The following ZNF560 variants were observed in gnomAD, a reference collection of about 807,000 sequenced individuals.
The protein encoded by ZNF560 is zinc finger protein 560.
ZNF560 carries 54 observed loss-of-function variants against 81.8 expected under a neutral mutation model. The observed-to-expected ratio is 0.66, with a 90% CI of 0.53 to 0.83. The LOEUF is 0.83. ZNF560 is among the 40% of genes least tolerant of loss of function. ZNF560 has a pLI of 0.00. For missense variants in ZNF560, 940 were observed against 932.4 expected, an observed-to-expected ratio of 1.01 and a Z score of -0.11; for synonymous variants, 321 against 317.9, an observed-to-expected ratio of 1.01 and a Z score of -0.10.
At chr19:9,486,160 T>C (rs1305115377) in intron 2 of ZNF560, among the ~76,000 whole-genome samples, 2 of 152,168 alleles carry the variant, frequency 1.3e-5, no homozygotes, top group Non-Finnish European at 1.5e-5. Flanking sequence ...CATGAACACA[T>C]GACTCCAGAT....
chr19:9,448,835 G>T, the ZNF560 span, among the ~76,000 whole-genome samples: 1 of 152,112 alleles, frequency 6.6e-6, no homozygotes, highest in African/African-American at 2.4e-5. Context: ...AAAAGTGGGA[G>T]AAAGAGCTAT....
chr19:9,450,334 C>T, the ZNF560 span, among the ~76,000 whole-genome samples: 1 of 151,744 alleles, frequency 6.6e-6, no homozygotes, highest in African/African-American at 2.4e-5. Context: ...ACTCTAACCA[C>T]TGCTATTCAA....
the ZNF560 span, among the ~76,000 whole-genome samples, chr19:9,452,300 T>C: frequency 2.0e-5 from 3 of 152,200 alleles, no homozygotes; most frequent in Non-Finnish European, 4.4e-5. Context: ...GGAACATTTG[T>C]ATACACTGTT....
chr19:9,483,476 T>C (rs181123460), intron 2 of ZNF560, among the ~76,000 whole-genome samples: 14,248 of 127,112 alleles, frequency 0.11, 1,995 homozygotes, highest in African/African-American at 0.26. Flanking sequence ...GCAGCTGCCC[T>C]GTCCAGGAGG....
At chr19:9,501,366 TGTGTGTGTGTG>T (rs2073631802), upstream of ZNF560, among the ~76,000 whole-genome samples, 1 of 150,052 alleles carries the variant, frequency 6.7e-6, no homozygotes, top group Non-Finnish European at 1.5e-5. Context: ...TGTGTGTGTG[TGTGTGTGTGTG>T]TGTGGAGTGT....
In ZNF560 at chr19:9,466,886, G is replaced by A. The variant is rs368872787; in HGVS notation, c.2061C>T (p.Asn687=). ...THAAEKTSEC[N]ACGNSFRNSM... is the part of the protein sequence containing the mutation. The stretch of plus-strand genomic sequence containing the variant: ...AATTTCGAAAGGAATTTCCACATGC[G>A]TTACATTCAGAGGTCTTCTCTGCTG... Residue 687 remains asparagine, a synonymous_variant, in exon 10 of 10, where the codon AAC becomes AAT. Transcript: ENST00000301480. The A allele has an allele frequency of 8.4e-5, 135 of 1,613,936 alleles. No individual in the cohort carries two copies. In the East Asian group the frequency reaches 1.8e-3, roughly 21 times the overall value.
At chr19:9,499,145 A>C (rs182059818), upstream of ZNF560, among the ~76,000 whole-genome samples, 1 of 151,898 alleles carries the variant, frequency 6.6e-6, no homozygotes, top group Non-Finnish European at 1.5e-5. Context: ...TAAATATTGC[A>C]ATTTTTTTCT....
At chr19:9,468,896 A>G (rs200146159) in intron 9 of ZNF560, among the ~76,000 whole-genome samples, 1 of 151,908 alleles carries the variant, frequency 6.6e-6, no homozygotes, top group African/African-American at 2.4e-5. Flanking sequence ...TGCCCAGCTA[A>G]TTTTTGTATT....
downstream of ZNF560, among the ~76,000 whole-genome samples, chr19:9,464,701 C>A (rs1316715145): frequency 6.6e-6 from 1 of 152,122 alleles, no homozygotes; most frequent in Non-Finnish European, 1.5e-5. Flanking sequence ...TTGTCTGAAT[C>A]CTGAAGGCCC....
At position 9,498,218 on chromosome 19, in the gene ZNF560, G is replaced by A. The variant is rs1390704580; in HGVS notation, c.-144-3C>T. 1 of 152,176 alleles carries A rather than the reference G, an allele frequency of 6.6e-6. No homozygotes were observed. Among genetic ancestry groups the A allele is most frequent in the Non-Finnish European group, 1.5e-5 (1 of 68,026 alleles). 9.4% of individuals were successfully genotyped at this position (152,176 alleles called of 1,614,324 possible). ...CGAACGGCAAAATTCTTTTCCCTCTGAAACACAATTCACAAACGTTGCCTT... is the reference window on the plus strand; with the variant it reads ...CGAACGGCAAAATTCTTTTCCCTCTAAAACACAATTCACAAACGTTGCCTT... On this transcript the variant is annotated splice_polypyrimidine_tract_variant and splice_region_variant and intron_variant, in intron 1 of 9. Coordinates refer to ENST00000301480, the MANE Select transcript of ZNF560 (RefSeq NM_152476.3).
intron 2 of ZNF560, among the ~76,000 whole-genome samples, chr19:9,492,459 C>T (rs1362397682): frequency 6.6e-6 from 1 of 152,242 alleles, no homozygotes; most frequent in Non-Finnish European, 1.5e-5. Flanking sequence ...TTTGCCTATA[C>T]AATGCATAAT....
chr19:9,469,695 T>G lies in ZNF560; in HGVS notation c.464A>C (p.Lys155Thr). Residue 155 changes from lysine (K) to threonine (T), a missense_variant, in exon 8 of 10, where the codon AAA (lysine) becomes ACA (threonine). Lys to Thr is a moderately conservative substitution (Grantham distance 78). Coordinates refer to ENST00000301480, the MANE Select transcript of ZNF560 (RefSeq NM_152476.3). ...NLSSVGYQLF[K>T]PSLISWLEEE... The stretch of plus-strand genomic sequence containing the variant: ...CTCCAGCCAAGAGATCAGACTGGGT[T>G]TGAAGAGCTGGTAACCTGTACACAG... The G allele has an allele frequency of 6.2e-7, 1 of 1,614,206 alleles. No individual in the cohort carries two copies. The highest frequency in any genetic ancestry group is 2.2e-5 in the East Asian group (1 of 44,880).
Position 9,468,141 on chromosome 19 carries a change from T to G in ZNF560, c.806A>C (p.Lys269Thr), listed in dbSNP as rs1487455472. 45 of 1,614,106 alleles carry G rather than the reference T, an allele frequency of 2.8e-5. No homozygotes were observed. The highest frequency in any genetic ancestry group is 3.8e-5 in the Non-Finnish European group (45 of 1,180,010). Residue 269 changes from lysine to threonine, a missense_variant, in exon 10 of 10, where the codon AAG (lysine) becomes ACG (threonine). Transcript: ENST00000301480. ...AATCAGGCGGAAAGATTTTCCATGC[T>G]TACTGAACACAGAAACTTTCCTTAT... ...STIRKVSVFS[K>T]HGKSFRLILN...
At chr19:9,483,506 C>CA (rs2073330683) in intron 2 of ZNF560, among the ~76,000 whole-genome samples, 1 of 146,410 alleles carries the variant, frequency 6.8e-6, no homozygotes, top group Admixed American at 6.8e-5. Flanking sequence ...AGCCCCCGCC[C>CA]GGCCAGCCGC....
At position 9,467,543 on chromosome 19, in the gene ZNF560, G is replaced by T; in HGVS notation, c.1404C>A (p.Ala468=). The change falls in exon 10 of 10, where the codon GCC becomes GCA. Residue 468 remains alanine (A), a synonymous_variant. Transcript: ENST00000301480. ...CAATAACACCTGAGGATGTACCAAA[G>T]GCCTTCCCATATTCCTTATGCTCAT... ...KPYEHKEYGK[A]FGTSSGVIED... 6.2e-7 allele frequency: 1 copy of T among 1,614,044 alleles called. No individual in the cohort carries two copies. The highest frequency in any genetic ancestry group is 8.5e-7 in the Non-Finnish European group (1 of 1,180,018).
At chr19:9,475,254 A>AT in intron 3 of ZNF560, 30 bp downstream of exon 3, 1 of 1,612,280 alleles carries the variant, frequency 6.2e-7, no homozygotes, top group Non-Finnish European at 8.5e-7. Context: ...CAAGTATGTC[A>AT]TTTTGTGGAA....
At position 9,466,776 on chromosome 19, in the gene ZNF560, T is replaced by A. The variant is rs2073025898; in HGVS notation, c.2171A>T (p.His724Leu). 3 of 1,614,034 alleles carry A rather than the reference T, an allele frequency of 1.9e-6. No individual in the cohort carries two copies. The highest frequency in any genetic ancestry group is 1.7e-6 in the Non-Finnish European group (2 of 1,179,978). The change falls in exon 10 of 10, where the codon CAT (histidine) becomes CTT (leucine). Residue 724 changes from histidine to leucine, a missense_variant. Transcript: ENST00000301480. ...TCGCACATGATTAGTAAGATCTGAA[T>A]GACAAGTGAAGGCTTTCCCACAGTC... ...CKDCGKAFTC[H>L]SDLTNHVRIH... is the part of the protein sequence containing the mutation.
intron 4 of ZNF560, 111 bp from the exon 5 acceptor site, chr19:9,473,370 C>G (rs1409356897): frequency 1.4e-6 from 1 of 733,964 alleles, no homozygotes; most frequent in Non-Finnish European, 2.2e-6. Flanking sequence ...TACCTGAAGT[C>G]AGGAGTTCAA....
chr19:9,483,790 G>C (rs954334907), intron 2 of ZNF560, among the ~76,000 whole-genome samples: 5 of 152,214 alleles, frequency 3.3e-5, no homozygotes, highest in Non-Finnish European at 7.3e-5. Context: ...CATCTGGGAG[G>C]TGTACCCAAC....
Sources: allele counts gnomAD v4.1 joint callset (sites outside exome capture counted in the v4.1 genomes callset), GRCh38; gene constraint gnomAD v4.1.1; transcripts MANE v1.5; gene names NCBI Gene and HGNC (gene_info 2026-07-23, HGNC 2026-07-21).